Variants in GPM6A observed in about 807,000 individuals in gnomAD.
GPM6A encodes the protein neuronal membrane glycoprotein M6-a.
A neutral mutation model predicts 32.1 loss-of-function variants in GPM6A; 7 were observed. That is an observed-to-expected ratio of 0.22 (90% CI 0.12 to 0.41). The LOEUF is 0.41. GPM6A is among the 10% of genes least tolerant of loss of function. GPM6A has a pLI of 1.00. For synonymous variants in GPM6A, 130 were observed against 123.4 expected, an observed-to-expected ratio of 1.05 and a Z score of -0.35; for missense variants, 235 against 347.2, an observed-to-expected ratio of 0.68 and a Z score of 2.57.
At chr4:175,953,219 A>G (rs1049656201) in intron 1 of GPM6A, among the ~76,000 whole-genome samples, 4 of 152,168 alleles carry the variant, frequency 2.6e-5, no homozygotes, top group African/African-American at 9.7e-5. Context: ...TCTATATCAA[A>G]CTGTTCCAAG....
intron 1 of GPM6A, among the ~76,000 whole-genome samples, chr4:175,981,057 G>A (rs1740802022): frequency 1.3e-5 from 2 of 152,146 alleles, no homozygotes; most frequent in South Asian, 4.1e-4. Flanking sequence ...TACAAATACA[G>A]GATTTTACGG....
At position 175,723,575 on chromosome 4, in the gene GPM6A, C is replaced by T. The variant is rs530109576; in HGVS notation, c.38-21808G>A. 2.0e-4 allele frequency among the ~76,000 whole-genome samples: 31 copies of T among 152,068 alleles called. 1 individual carries two copies. The South Asian group carries it at 5.4e-3, about 26-fold the overall frequency. The stretch of plus-strand genomic sequence containing the variant: ...GTTTGGCTAGAATGCTATATTTTCA[C>T]CAAAAAGTTCCAGAAATTGAACTCA... On this transcript the variant is annotated intron_variant, in intron 1 of 6. Transcript: ENST00000393658.
intron 1 of GPM6A, among the ~76,000 whole-genome samples, chr4:175,805,363 T>C (rs1734652654): frequency 6.6e-6 from 1 of 152,108 alleles, no homozygotes; most frequent in African/African-American, 2.4e-5. Context: ...ATGTAGAAAA[T>C]AGTTTCCCAG....
At chr4:175,974,061 C>T (rs888948697) in intron 1 of GPM6A, among the ~76,000 whole-genome samples, 1 of 151,970 alleles carries the variant, frequency 6.6e-6, no homozygotes, top group African/African-American at 2.4e-5. Flanking sequence ...AGTGAAACCC[C>T]ATCTCTACTA....
chr4:175,828,272 C>A (rs1735498425), intron 1 of GPM6A, among the ~76,000 whole-genome samples: 1 of 152,116 alleles, frequency 6.6e-6, no homozygotes, highest in African/African-American at 2.4e-5. Context: ...CAAGATACAG[C>A]CTGCTAAGAA....
chr4:175,805,090 C>T (rs566047893), intron 1 of GPM6A, among the ~76,000 whole-genome samples: 36 of 151,746 alleles, frequency 2.4e-4, no homozygotes, highest in African/African-American at 8.7e-4. Flanking sequence ...AAGTGGATAT[C>T]CACCAACACA....
At chr4:175,852,430 C>G (rs1053708926) in intron 1 of GPM6A, among the ~76,000 whole-genome samples, 1 of 152,112 alleles carries the variant, frequency 6.6e-6, no homozygotes, top group African/African-American at 2.4e-5. Context: ...TCTTTCAGAG[C>G]AAAGACCTAT....
At chr4:175,976,552 T>C (rs1740670403) in intron 1 of GPM6A, among the ~76,000 whole-genome samples, 2 of 152,262 alleles carry the variant, frequency 1.3e-5, no homozygotes, top group East Asian at 3.9e-4. Context: ...CATAATATTA[T>C]AGTGTAACAA....
rs1419381176 is a variant in GPM6A at position 175,924,024 on chromosome 4, T to C, written c.-23+78285A>G. 7.9e-5 allele frequency among the ~76,000 whole-genome samples: 12 copies of C among 152,324 alleles called. No homozygotes were observed. In the South Asian group the frequency reaches 2.5e-3, roughly 32 times the overall value. On this transcript the variant is annotated intron_variant, in intron 1 of 7. Coordinates refer to the GPM6A transcript ENST00000280187. The stretch of plus-strand genomic sequence containing the variant: ...TCGAGTATTTGTCCTAGGTATTTCC[T>C]TTCAAATAAATAATCATTATTAATA...
chr4:175,977,324 TG>T (rs1226817448), intron 1 of GPM6A, among the ~76,000 whole-genome samples: 1 of 152,224 alleles, frequency 6.6e-6, no homozygotes, highest in African/African-American at 2.4e-5. Flanking sequence ...AAAGTTTAGC[TG>T]TATTTTATTT....
rs1736546003 is a variant in GPM6A, at chr4:175,860,611, T to C, written c.-22-48362A>G. Reference sequence around the variant, plus strand: ...GCGTAGCACAGAATGAAAATATCTCTAGAAGCCAAATATTATGGTCTATGC... The same window carrying C: ...GCGTAGCACAGAATGAAAATATCTCCAGAAGCCAAATATTATGGTCTATGC... On this transcript the variant is annotated intron_variant, in intron 1 of 7. Transcript: ENST00000280187. Among the ~76,000 whole-genome samples, 3 of 152,308 alleles carry C rather than the reference T, an allele frequency of 2.0e-5. No individual in the cohort carries two copies. The South Asian group carries it at 6.2e-4, about 32-fold the overall frequency.
intron 1 of GPM6A, among the ~76,000 whole-genome samples, chr4:176,001,328 T>A (rs978855714): frequency 6.6e-6 from 1 of 152,206 alleles, no homozygotes; most frequent in African/African-American, 2.4e-5. Flanking sequence ...TAACTCGGGC[T>A]GCGGGCTGAA....
At chr4:175,981,819 G>C (rs1740827816) in intron 1 of GPM6A, among the ~76,000 whole-genome samples, 1 of 152,024 alleles carries the variant, frequency 6.6e-6, no homozygotes, top group Non-Finnish European at 1.5e-5. Context: ...TTTTCAAAGT[G>C]GTTGTACCAT....
At chr4:175,864,365 A>G (rs899998023) in intron 1 of GPM6A, among the ~76,000 whole-genome samples, 1 of 152,088 alleles carries the variant, frequency 6.6e-6, no homozygotes, top group African/African-American at 2.4e-5. Flanking sequence ...ACAGGGTTTC[A>G]CCAGTTTGCC....
chr4:175,770,249 C>G (rs1467466374), intron 1 of GPM6A, among the ~76,000 whole-genome samples: 1 of 152,204 alleles, frequency 6.6e-6, no homozygotes, highest in African/African-American at 2.4e-5. Context: ...TGGTCTCGAA[C>G]TCCTGACCTC....
At chr4:175,713,150 C>T (rs561562819) in intron 1 of GPM6A, among the ~76,000 whole-genome samples, 2 of 152,156 alleles carry the variant, frequency 1.3e-5, no homozygotes, top group Admixed American at 6.6e-5. Flanking sequence ...AGCAAACACA[C>T]TCTTTAATAG....
At chr4:175,947,191 A>G (rs1739636460) in intron 1 of GPM6A, among the ~76,000 whole-genome samples, 1 of 151,948 alleles carries the variant, frequency 6.6e-6, no homozygotes, top group South Asian at 2.1e-4. Flanking sequence ...AGTCTTTAAA[A>G]AAAAAAAAAC....
intron 1 of GPM6A, among the ~76,000 whole-genome samples, chr4:175,878,817 C>G (rs185966733): frequency 3.9e-5 from 6 of 152,296 alleles, no homozygotes; most frequent in Admixed American, 3.9e-4. Flanking sequence ...CCTATCACAT[C>G]ACCAGGCAGC....
intron 1 of GPM6A, 31 bp downstream of exon 1, chr4:175,812,160 T>C: frequency 1.4e-6 from 2 of 1,462,822 alleles, no homozygotes; most frequent in Non-Finnish European, 1.9e-6. Context: ...AATAATTACT[T>C]AGTTACAAAT....
Sources: gnomAD v4.1 joint callset for allele counts (sites outside exome capture counted in the v4.1 genomes callset) on GRCh38, gnomAD v4.1.1 for gene constraint, MANE v1.5 for transcripts, NCBI Gene and HGNC (gene_info 2026-07-23, HGNC 2026-07-21) for gene names.